PDE4D: variants seen among roughly 807,000 people sequenced by gnomAD.
PDE4D encodes 3',5'-cyclic-AMP phosphodiesterase 4D.
A neutral mutation model predicts 87.4 loss-of-function variants in PDE4D; 24 were observed. The ratio of observed to expected loss-of-function variants is 0.27; its 90% confidence interval spans 0.20 to 0.39. The LOEUF (loss-of-function observed/expected upper bound fraction) is 0.39. Ranked by LOEUF, PDE4D falls within the 10% of genes least tolerant of loss-of-function variation. The pLI is 1.00. For synonymous variants in PDE4D, 384 were observed against 383.2 expected (o/e 1.00, Z -0.02); for missense variants, 714 against 1,041.0 (o/e 0.69, Z 4.32).
intron 1 of PDE4D, among the ~76,000 whole-genome samples, chr5:59,598,641 AT>A (rs1827049599): frequency 6.6e-6 from 1 of 152,132 alleles, no homozygotes; most frequent in Admixed American, 6.6e-5. Context: ...ATAGCCCCAA[AT>A]CCCTGACAGC....
At chr5:59,071,280 C>T (rs1425192246) in intron 5 of PDE4D, among the ~76,000 whole-genome samples, 2 of 152,050 alleles carry the variant, frequency 1.3e-5, no homozygotes, top group Non-Finnish European at 2.9e-5. Flanking sequence ...GCTAAATGCT[C>T]CAATTAATGA....
intron 5 of PDE4D, among the ~76,000 whole-genome samples, chr5:59,054,417 A>G (rs533331046): frequency 7.9e-5 from 12 of 152,200 alleles, no homozygotes; most frequent in Non-Finnish European, 1.0e-4. Flanking sequence ...GCTGGCTTTC[A>G]GTAATATAAA....
rs77835801 is a variant in PDE4D, at chr5:59,390,954, C to T, written c.456-174986G>A. 3.0e-3 allele frequency among the ~76,000 whole-genome samples: 464 copies of T among 152,198 alleles called. 1 individual carries two copies. Among genetic ancestry groups the T allele is most frequent in the African/African-American group, 0.011 (450 of 41,530 alleles). ...TGATCTTTCCCCACCCTTGAAAATA[C>T]GTGGATGTGCCTCTTATTAGAGTGT... On this transcript the variant is annotated intron_variant, in intron 1 of 14. Transcript: ENST00000340635.
chr5:60,019,523 GTC>G (rs1765837375), intron 2 of PDE4D, among the ~76,000 whole-genome samples: 1 of 152,136 alleles, frequency 6.6e-6, no homozygotes, highest in Non-Finnish European at 1.5e-5. Context: ...CATTAGCTAG[GTC>G]TGGGTAACTT....
At chr5:60,114,760 AGT>A (rs1478578785) in intron 2 of PDE4D, among the ~76,000 whole-genome samples, 3 of 152,132 alleles carry the variant, frequency 2.0e-5, no homozygotes, top group Non-Finnish European at 4.4e-5. Context: ...AGAATGTCAC[AGT>A]GGATGAGAAA....
chr5:59,127,471 C>A (rs1775575576), intron 5 of PDE4D, among the ~76,000 whole-genome samples: 1 of 151,910 alleles, frequency 6.6e-6, no homozygotes, highest in African/African-American at 2.4e-5. Flanking sequence ...TGAGCCCAGG[C>A]AGCAGTGTGT....
At chr5:59,245,454 T>G (rs1758666074) in intron 1 of PDE4D, among the ~76,000 whole-genome samples, 1 of 152,148 alleles carries the variant, frequency 6.6e-6, no homozygotes, top group South Asian at 2.1e-4. Context: ...GCCAGGAAAC[T>G]GTTATCTGTT....
chr5:60,080,143 G>A (rs572953588), intron 2 of PDE4D, among the ~76,000 whole-genome samples: 1 of 152,134 alleles, frequency 6.6e-6, no homozygotes, highest in Non-Finnish European at 1.5e-5. Context: ...TAGTGATTAT[G>A]AATGGGAGTT....
chr5:59,531,888 C>G (rs903636161), intron 1 of PDE4D, among the ~76,000 whole-genome samples: 3 of 152,100 alleles, frequency 2.0e-5, no homozygotes, highest in Non-Finnish European at 4.4e-5. Context: ...AGGGATTAGG[C>G]AGTGGAGCTC....
intron 1 of PDE4D, among the ~76,000 whole-genome samples, chr5:60,446,533 C>A (rs1271121774): frequency 6.6e-6 from 1 of 152,034 alleles, no homozygotes; most frequent in Non-Finnish European, 1.5e-5. Context: ...CCACTACCAC[C>A]CCATACTACC....
chr5:59,089,009 T>C (rs1191253089), intron 5 of PDE4D, among the ~76,000 whole-genome samples: 1 of 152,218 alleles, frequency 6.6e-6, no homozygotes, highest in Non-Finnish European at 1.5e-5. Context: ...CTCATAATTC[T>C]TAAACCTGTG....
At chr5:59,393,475 C>G (rs1788655632) in intron 1 of PDE4D, among the ~76,000 whole-genome samples, 1 of 152,150 alleles carries the variant, frequency 6.6e-6, no homozygotes, top group Non-Finnish European at 1.5e-5. Flanking sequence ...ACTACACAAA[C>G]ATATGTGTTA....
intron 1 of PDE4D, among the ~76,000 whole-genome samples, chr5:59,556,264 G>C (rs933294989): frequency 1.3e-5 from 2 of 152,046 alleles, no homozygotes; most frequent in African/African-American, 2.4e-5. Context: ...CCTAACTTCT[G>C]TATAATATTC....
chr5:59,465,850 C>T (rs963801090), intron 1 of PDE4D, among the ~76,000 whole-genome samples: 1 of 152,148 alleles, frequency 6.6e-6, no homozygotes, highest in African/African-American at 2.4e-5. Flanking sequence ...AGCAACTGCC[C>T]AAAGTAGGTA....
chr5:60,491,344 T>A (rs1749520406), upstream of PDE4D: 1 of 152,194 alleles, frequency 6.6e-6, no homozygotes, highest in Non-Finnish European at 1.5e-5. Flanking sequence ...TCTGGATAAA[T>A]GGACCTCAAA....
intron 1 of PDE4D, among the ~76,000 whole-genome samples, chr5:59,438,506 G>A (rs1223109636): frequency 6.6e-6 from 1 of 152,156 alleles, no homozygotes; most frequent in Admixed American, 6.6e-5. Context: ...CATATTTTAC[G>A]TTTGTCGAGT....
At chr5:59,280,625 A>T (rs1408540183) in intron 1 of PDE4D, among the ~76,000 whole-genome samples, 2 of 152,118 alleles carry the variant, frequency 1.3e-5, no homozygotes, top group Non-Finnish European at 2.9e-5. Context: ...TTTAAATTTT[A>T]TTAAAGAAAT....
chr5:59,728,808 A>G (rs1367850753), intron 1 of PDE4D, among the ~76,000 whole-genome samples: 1 of 152,084 alleles, frequency 6.6e-6, no homozygotes, highest in East Asian at 1.9e-4. Context: ...GTAGAGCAAG[A>G]TTTAAAATAA....
At chr5:59,852,314 C>T (rs981173875) in intron 1 of PDE4D, among the ~76,000 whole-genome samples, 18 of 152,050 alleles carry the variant, frequency 1.2e-4, no homozygotes, top group Non-Finnish European at 2.2e-4. Context: ...AAAAAGGATA[C>T]GTTGGGAATG....
Sources: gnomAD v4.1 joint callset for allele counts (sites outside exome capture counted in the v4.1 genomes callset) on GRCh38, gnomAD v4.1.1 for gene constraint, MANE v1.5 for transcripts, NCBI Gene and HGNC (gene_info 2026-07-23, HGNC 2026-07-21) for gene names.